Variants in XKR4 observed in about 807,000 individuals in gnomAD.
XKR4 encodes XK related 4.
XKR4 carries 12 observed loss-of-function variants against 53.9 expected under a neutral mutation model. The observed-to-expected ratio is 0.22, with a 90% CI of 0.14 to 0.36. The LOEUF (loss-of-function observed/expected upper bound fraction) is 0.36, where lower values mean the gene tolerates loss of function less well. Ranked by LOEUF, XKR4 falls within the 10% of genes least tolerant of loss-of-function variation. The pLI is 1.00. For synonymous variants in XKR4, 354 were observed against 362.4 expected (o/e 0.98, Z 0.26); for missense variants, 799 against 859.5 (o/e 0.93, Z 0.88).
chr8:55,125,057 A>T (rs911845538), intron 1 of XKR4, among the ~76,000 whole-genome samples: 1 of 152,238 alleles, frequency 6.6e-6, no homozygotes, highest in Non-Finnish European at 1.5e-5. Flanking sequence ...TTTTAAACTC[A>T]TAAGTTTTAA....
intron 2 of XKR4, among the ~76,000 whole-genome samples, chr8:55,383,879 C>T (rs767050523): frequency 6.6e-6 from 1 of 152,022 alleles, no homozygotes; most frequent in Admixed American, 6.6e-5. Flanking sequence ...ATCTGGCTCC[C>T]GAGACACAGC....
intron 2 of XKR4, among the ~76,000 whole-genome samples, chr8:55,386,130 C>G (rs1012597684): frequency 1.3e-5 from 2 of 152,176 alleles, no homozygotes; most frequent in Non-Finnish European, 2.9e-5. Flanking sequence ...GACGAGGAGA[C>G]AGCAAATAAT....
intron 2 of XKR4, among the ~76,000 whole-genome samples, chr8:55,377,765 A>G (rs1804171862): frequency 1.3e-5 from 2 of 152,220 alleles, no homozygotes; most frequent in East Asian, 1.9e-4. Context: ...AAGGACATCT[A>G]TAGGCTGTGC....
chr8:55,251,042 T>A (rs1818354353), intron 1 of XKR4, among the ~76,000 whole-genome samples: 1 of 152,218 alleles, frequency 6.6e-6, no homozygotes, highest in Non-Finnish European at 1.5e-5. Context: ...CTCAAGAAGC[T>A]GTAGGTATAG....
At position 55,141,645 on chromosome 8, in the gene XKR4, T is replaced by TTCTCTCTCTCTCTCTCTCTC. The variant is rs138063196; in HGVS notation, c.806+38359_806+38378dup. On this transcript the variant is annotated intron_variant, in intron 1 of 2. Transcript: ENST00000327381. ...TTTCTGTCTCTCTTGGTGCTTCTGC[T>TTCTCTCTCTCTCTCTCTCTC]TCTCTCTCTCTCTCTCTCTCTCTCT... Among the ~76,000 whole-genome samples the TTCTCTCTCTCTCTCTCTCTC allele has an allele frequency of 7.4e-3, 828 of 111,942 alleles. 14 individuals are homozygous for TTCTCTCTCTCTCTCTCTCTC. Among genetic ancestry groups the TTCTCTCTCTCTCTCTCTCTC allele is most frequent in the African/African-American group, 0.017 (491 of 28,246 alleles). The allele number at this position is 111,942 out of a possible 152,430, so 73.4% of individuals were successfully genotyped here.
chr8:55,222,309 A>G (rs142933362), intron 1 of XKR4, among the ~76,000 whole-genome samples: 40 of 152,284 alleles, frequency 2.6e-4, no homozygotes, highest in African/African-American at 8.7e-4. Flanking sequence ...TTTCTAGTCT[A>G]TTTTATTCTG....
At chr8:55,442,814 T>G (rs1805289528) in intron 2 of XKR4, among the ~76,000 whole-genome samples, 1 of 152,164 alleles carries the variant, frequency 6.6e-6, no homozygotes, top group Admixed American at 6.5e-5. Context: ...TGCAATGGGC[T>G]AGAGAGAAAG....
intron 2 of XKR4, among the ~76,000 whole-genome samples, chr8:55,401,324 A>T (rs1487764980): frequency 1.3e-5 from 2 of 152,200 alleles, no homozygotes; most frequent in African/African-American, 4.8e-5. Flanking sequence ...AAGGAGTGGG[A>T]GGCATGATGG....
chr8:55,379,399 T>C (rs148899894), intron 2 of XKR4, among the ~76,000 whole-genome samples: 4 of 152,310 alleles, frequency 2.6e-5, no homozygotes, highest in Non-Finnish European at 5.9e-5. Context: ...CCATACCAAT[T>C]AGAAATGTTT....
At chr8:55,330,918 T>C (rs1225717046) in intron 1 of XKR4, among the ~76,000 whole-genome samples, 1 of 152,200 alleles carries the variant, frequency 6.6e-6, no homozygotes, top group African/African-American at 2.4e-5. Context: ...ATGGAATCAT[T>C]TGCTTGCTGT....
At chr8:55,277,645 G>T (rs950198438) in intron 1 of XKR4, among the ~76,000 whole-genome samples, 2 of 152,112 alleles carry the variant, frequency 1.3e-5, no homozygotes, top group Non-Finnish European at 2.9e-5. Flanking sequence ...TTCTAGGTGT[G>T]TCGATGCTCA....
At chr8:55,257,320 C>T (rs1459444703) in intron 1 of XKR4, among the ~76,000 whole-genome samples, 1 of 151,814 alleles carries the variant, frequency 6.6e-6, no homozygotes, top group Admixed American at 6.6e-5. Context: ...TATATATCCA[C>T]AGTTGAAAAT....
intron 2 of XKR4, among the ~76,000 whole-genome samples, chr8:55,412,313 C>T (rs1309176437): frequency 6.6e-6 from 1 of 152,182 alleles, no homozygotes; most frequent in African/African-American, 2.4e-5. Context: ...TCTGAGATTT[C>T]TAAAGCTCTT....
chr8:55,106,570 G>A (rs1209884440), intron 1 of XKR4, among the ~76,000 whole-genome samples: 1 of 152,046 alleles, frequency 6.6e-6, no homozygotes, highest in African/African-American at 2.4e-5. Flanking sequence ...TTAGCCAGTG[G>A]GAATCACAAA....
At chr8:55,281,908 C>A (rs1220340086) in intron 1 of XKR4, among the ~76,000 whole-genome samples, 2 of 152,162 alleles carry the variant, frequency 1.3e-5, no homozygotes, top group African/African-American at 4.8e-5. Context: ...GCATTATTCC[C>A]AATGAAAATT....
At chr8:55,448,514 G>A (rs1351024199) in intron 2 of XKR4, among the ~76,000 whole-genome samples, 1 of 152,226 alleles carries the variant, frequency 6.6e-6, no homozygotes, top group Non-Finnish European at 1.5e-5. Flanking sequence ...GCTCATAAGT[G>A]AGATGGTTTT....
At chr8:55,123,771 C>G (rs1044169905) in intron 1 of XKR4, among the ~76,000 whole-genome samples, 6 of 152,246 alleles carry the variant, frequency 3.9e-5, no homozygotes, top group African/African-American at 1.4e-4. Context: ...CTCCAAGTGA[C>G]AGCCATGATT....
At chr8:55,384,952 AAT>A (rs1804288111) in intron 2 of XKR4, among the ~76,000 whole-genome samples, 1 of 152,222 alleles carries the variant, frequency 6.6e-6, no homozygotes, top group Admixed American at 6.5e-5. Flanking sequence ...CCTCTTTGAG[AAT>A]GGCCATCGTA....
chr8:55,104,729 A>G (rs192242481), intron 1 of XKR4, among the ~76,000 whole-genome samples: 14 of 77,122 alleles, frequency 1.8e-4, no homozygotes, highest in Admixed American at 1.3e-3. Context: ...ATATGTAGTC[A>G]GACAAATTGA....
Sources: gnomAD v4.1 joint callset for allele counts (sites outside exome capture counted in the v4.1 genomes callset) on GRCh38, gnomAD v4.1.1 for gene constraint, MANE v1.5 for transcripts, NCBI Gene and HGNC (gene_info 2026-07-23, HGNC 2026-07-21) for gene names.